METTL2B: variants seen among roughly 807,000 people sequenced by gnomAD.
METTL2B encodes tRNA N(3)-cytidine methyltransferase METTL2B.
In METTL2B, 28 loss-of-function variants were observed where a neutral mutation model predicts 51.0. That is an observed-to-expected ratio of 0.55 (90% CI 0.41 to 0.75). The LOEUF (loss-of-function observed/expected upper bound fraction) is 0.75. Among genes scored for constraint, METTL2B ranks in the 30% least tolerant of loss-of-function variants. The pLI, the probability that METTL2B is intolerant of heterozygous loss-of-function variation, is 0.00. For synonymous variants in METTL2B, 128 were observed against 166.3 expected (o/e 0.77, Z 1.77); for missense variants, 313 against 460.7 (o/e 0.68, Z 2.93).
chr7:128,500,482 C>T (rs1395264639), intron 7 of METTL2B, among the ~76,000 whole-genome samples: 22 of 152,134 alleles, frequency 1.4e-4, no homozygotes, highest in African/African-American at 4.1e-4. Context: ...ATTAGCTGGG[C>T]GTGGTGGTGG....
chr7:128,480,189 A>G (rs1329759382), intron 3 of METTL2B, among the ~76,000 whole-genome samples: 1 of 152,234 alleles, frequency 6.6e-6, no homozygotes, highest in African/African-American at 2.4e-5. Flanking sequence ...TAAAAGGGCT[A>G]AGAACAGTAT....
chr7:128,501,847 G>A lies in METTL2B; in HGVS notation c.1068G>A (p.Lys356=), dbSNP rs1793035851. The A allele has an allele frequency of 1.2e-6, 2 of 1,614,222 alleles. No homozygotes were observed. Among genetic ancestry groups the A allele is most frequent in the East Asian group, 2.2e-5 (1 of 44,888 alleles). ...VDRRLQVNRG[K]QLTMYRVWIQ... ...GCCGACTGCAGGTGAACCGAGGGAA[G>A]CAACTGACAATGTACCGGGTTTGGA... The change falls in exon 9 of 9, where the codon AAG becomes AAA. Residue 356 remains lysine (K), a synonymous_variant. Transcript: ENST00000262432.
chr7:128,487,880 T>G (rs1030720057), intron 4 of METTL2B, among the ~76,000 whole-genome samples: 13 of 152,110 alleles, frequency 8.5e-5, no homozygotes, highest in African/African-American at 3.1e-4. Context: ...ACTCCCTGGT[T>G]GTTTTATAAA....
chr7:128,481,805 G>C (rs1423423117), intron 4 of METTL2B, among the ~76,000 whole-genome samples: 1 of 152,030 alleles, frequency 6.6e-6, no homozygotes, highest in African/African-American at 2.4e-5. Flanking sequence ...ACCATACCCA[G>C]CTAATTTTTG....
At chr7:128,492,730 C>T (rs1792857321) in intron 5 of METTL2B, among the ~76,000 whole-genome samples, 1 of 152,056 alleles carries the variant, frequency 6.6e-6, no homozygotes, top group Admixed American at 6.6e-5. Context: ...CATTCTCCTG[C>T]CTCAGCCTCC....
chr7:128,484,217 C>CTTTTTTGTTTTTTTTTTTTTTT (rs1792641688), intron 4 of METTL2B: 1 of 42,414 alleles, frequency 2.4e-5, no homozygotes, highest in Non-Finnish European at 4.3e-5. Context: ...TGCCTAGATC[C>CTTTTTTGTTTTTTTTTTTTTTT]TTTTTTTTTT....
In METTL2B at chr7:128,498,050, T is replaced by C. The variant is rs1792957105; in HGVS notation, c.824T>C (p.Ile275Thr). Residue 275 changes from isoleucine to threonine, a missense_variant, in exon 7 of 9, where the codon ATC (isoleucine) becomes ACC (threonine). By Grantham distance (89) the Ile-to-Thr change is moderately conservative. Coordinates refer to ENST00000262432, the MANE Select transcript of METTL2B (RefSeq NM_018396.3). Reference sequence around the variant, plus strand: ...TGTCTCCACAGGATGCAGAAGGCTATCAACAGGCTGAGCAGGCTTCTGAAA... The same window carrying C: ...TGTCTCCACAGGATGCAGAAGGCTACCAACAGGCTGAGCAGGCTTCTGAAA... Reference protein sequence around the residue: ...AVVPDKMQKAINRLSRLLKPG... With the variant: ...AVVPDKMQKATNRLSRLLKPG... The C allele has an allele frequency of 6.2e-7, 1 of 1,613,818 alleles. No homozygotes were observed. Among genetic ancestry groups the C allele is most frequent in the Non-Finnish European group, 8.5e-7 (1 of 1,179,820 alleles).
In METTL2B at chr7:128,503,563, T is replaced by C. The variant is rs62481142; in HGVS notation, c.*1647T>C. 27,068 of 151,970 alleles carry C rather than the reference T, an allele frequency of 0.18. 2,539 individuals are homozygous for C. Among genetic ancestry groups the C allele is most frequent in the East Asian group, 0.32 (1,647 of 5,156 alleles). The allele number at this position is 151,970 out of a possible 1,614,324, so 9.4% of individuals were successfully genotyped here. A position where few individuals can be genotyped will look rare whatever the true frequency, so the allele number is the denominator to read the frequency against. ...CATCGCTCCACCTCAGCCTCCTGAG[T>C]AGCTAGGACTGCAGGTGGGCACCAT... is the stretch of plus-strand genomic sequence containing the variant. On this transcript the variant is annotated 3_prime_UTR_variant, in exon 9 of 9. Coordinates refer to ENST00000262432, the MANE Select transcript of METTL2B (RefSeq NM_018396.3).
At chr7:128,492,640 G>A (rs1792855264) in intron 5 of METTL2B, among the ~76,000 whole-genome samples, 2 of 151,166 alleles carry the variant, frequency 1.3e-5, no homozygotes, top group African/African-American at 2.4e-5. Flanking sequence ...TTTTTGAGAC[G>A]GAGTCTCCCT....
At chr7:128,485,666 A>AAAT (rs56353053) in intron 4 of METTL2B, among the ~76,000 whole-genome samples, 1 of 160 alleles carries the variant, frequency 6.3e-3, no homozygotes, top group African/African-American at 0.011. Context: ...ACTCCGTCTC[A>AAAT]AAAAAAAAAA....
rs1793079303 is a variant in METTL2B, at chr7:128,504,153, C to T, written c.*2237C>T. 1 of 152,066 alleles carries T rather than the reference C, an allele frequency of 6.6e-6. No homozygotes were observed. The highest frequency in any genetic ancestry group is 2.4e-5 in the African/African-American group (1 of 41,394). The allele number at this position is 152,066 out of a possible 1,614,324, so 9.4% of individuals were successfully genotyped here. ...AATATATCCATCACAAGTAGGAATA[C>T]ATGGAAACATTAATGCCAGCCACTA... On this transcript the variant is annotated 3_prime_UTR_variant, in exon 9 of 9. Coordinates refer to ENST00000262432, the MANE Select transcript of METTL2B (RefSeq NM_018396.3).
Position 128,488,127 on chromosome 7 carries a change from G to A in METTL2B, c.635G>A (p.Cys212Tyr). 6.2e-7 allele frequency: 1 copy of A among 1,612,130 alleles called. No individual in the cohort carries two copies. Among genetic ancestry groups the A allele is most frequent in the Non-Finnish European group, 8.5e-7 (1 of 1,179,362 alleles). ...GACCCAGGACTCTTTGTTTATTGCT[G>A]TGATTTTTCTTCCACAGCTATAGAA... ...NNDPGLFVYC[C>Y]DFSSTAIELV... is the part of the protein sequence containing the mutation. The change falls in exon 5 of 9, where the codon TGT (cysteine) becomes TAT (tyrosine). Residue 212 changes from cysteine to tyrosine, a missense_variant. Coordinates refer to ENST00000262432, the MANE Select transcript of METTL2B (RefSeq NM_018396.3).
At chr7:128,483,392 C>T (rs1366965813) in intron 4 of METTL2B, 1 of 152,306 alleles carries the variant, frequency 6.6e-6, no homozygotes, top group African/African-American at 2.4e-5. Context: ...GTCCTCTTAT[C>T]CCTCAGTGCA....
chr7:128,481,974 C>T (rs1200454591), intron 4 of METTL2B, among the ~76,000 whole-genome samples: 5 of 152,008 alleles, frequency 3.3e-5, no homozygotes, highest in Non-Finnish European at 7.4e-5. Flanking sequence ...AGGACACAGA[C>T]TTATGGGAAA....
chr7:128,483,367 T>C (rs1427395310), intron 4 of METTL2B: 2 of 152,268 alleles, frequency 1.3e-5, no homozygotes, highest in Non-Finnish European at 2.9e-5. Context: ...TACAAGAGTG[T>C]GCCCTATAAA....
chr7:128,494,028 G>A lies in METTL2B; in HGVS notation c.809+85G>A, dbSNP rs146100463. ...TTTTTTTAAAATAGGGTCTTGCTCC[G>A]TCAGCCCAGGCTGGAGTGCAGTGGC... On this transcript the variant is annotated intron_variant, in intron 6 of 8. Transcript: ENST00000262432. 2.8e-4 allele frequency: 432 copies of A among 1,516,586 alleles called. 3 individuals are homozygous for A. The East Asian group carries it at 8.7e-3, about 31-fold the overall frequency. 93.9% of individuals were successfully genotyped at this position (1,516,586 alleles called of 1,614,324 possible). A position where few individuals can be genotyped will look rare whatever the true frequency, so the allele number is the denominator to read the frequency against.
At chr7:128,491,938 T>G (rs181514974) in intron 5 of METTL2B, among the ~76,000 whole-genome samples, 1 of 152,210 alleles carries the variant, frequency 6.6e-6, no homozygotes, top group East Asian at 1.9e-4. Context: ...TCTACAGAAA[T>G]AGATTTTCCT....
intron 5 of METTL2B, among the ~76,000 whole-genome samples, chr7:128,488,957 C>T (rs540582992): frequency 4.0e-5 from 6 of 151,824 alleles, no homozygotes; most frequent in Admixed American, 2.6e-4. Flanking sequence ...AAAAATTAGC[C>T]GGGCTAAAAA....
chr7:128,496,522 C>G (rs1388499467), intron 6 of METTL2B, among the ~76,000 whole-genome samples: 2 of 152,186 alleles, frequency 1.3e-5, no homozygotes, highest in Non-Finnish European at 2.9e-5. Context: ...GCACTGCAGC[C>G]TGGGTGACAG....
Sources: gnomAD v4.1 joint callset for allele counts (sites outside exome capture counted in the v4.1 genomes callset) on GRCh38, gnomAD v4.1.1 for gene constraint, MANE v1.5 for transcripts, NCBI Gene and HGNC (gene_info 2026-07-23, HGNC 2026-07-21) for gene names.